FTCDNL1: variants seen among roughly 807,000 people sequenced by gnomAD.
FTCDNL1 encodes formiminotransferase cyclodeaminase N-terminal like.
Under a neutral mutation model 5.9 loss-of-function variants are expected in FTCDNL1, and 11 were observed. The ratio of observed to expected loss-of-function variants is 1.87; its 90% confidence interval spans 1.18 to 3.10. The LOEUF (loss-of-function observed/expected upper bound fraction) is 3.10. FTCDNL1 is among the 30% of genes most tolerant of loss of function. The pLI is 0.00. For synonymous variants in FTCDNL1, 58 were observed against 24.8 expected (o/e 2.34, Z -3.99); for missense variants, 115 against 65.5 (o/e 1.76, Z -2.61).
intron 3 of FTCDNL1, among the ~76,000 whole-genome samples, chr2:199,800,579 T>C (rs1700393347): frequency 6.6e-6 from 1 of 152,232 alleles, no homozygotes; most frequent in Non-Finnish European, 1.5e-5. Flanking sequence ...AACATATACT[T>C]ATTATCTGTA....
chr2:199,805,933 G>T (rs532259774), downstream of FTCDNL1, among the ~76,000 whole-genome samples: 247 of 150,488 alleles, frequency 1.6e-3, 2 homozygotes, highest in African/African-American at 5.5e-3. Flanking sequence ...AAAAAAAAAA[G>T]TATATGGAAG....
At chr2:199,799,617 TTAAG>T (rs1700344031) in intron 3 of FTCDNL1, among the ~76,000 whole-genome samples, 1 of 152,208 alleles carries the variant, frequency 6.6e-6, no homozygotes, top group South Asian at 2.1e-4. Flanking sequence ...CTCTCCCATT[TTAAG>T]ATGACTCAGT....
At chr2:199,804,917 C>T (rs565531797), downstream of FTCDNL1, among the ~76,000 whole-genome samples, 11 of 152,364 alleles carry the variant, frequency 7.2e-5, no homozygotes, top group Middle Eastern at 6.8e-3. Context: ...AGAGCTGTAA[C>T]TGCAGGCAGC....
At chr2:199,722,940 A>G in the FTCDNL1 span, among the ~76,000 whole-genome samples, 3 of 151,772 alleles carry the variant, frequency 2.0e-5, no homozygotes, top group Non-Finnish European at 4.4e-5. Flanking sequence ...TTGTTGGTGT[A>G]TAGGAATACT....
chr2:199,728,011 C>G, the FTCDNL1 span, among the ~76,000 whole-genome samples: 10 of 152,120 alleles, frequency 6.6e-5, no homozygotes, highest in Non-Finnish European at 1.2e-4. Context: ...TTCTTCCCTC[C>G]TTCAGCAAGC....
chr2:199,734,479 T>A, the FTCDNL1 span, among the ~76,000 whole-genome samples: 2 of 152,238 alleles, frequency 1.3e-5, no homozygotes, highest in Admixed American at 1.3e-4. Flanking sequence ...ATTTGGAGAT[T>A]ATCAAAATTA....
At chr2:199,767,994 T>G (rs918842768) in intron 3 of FTCDNL1, among the ~76,000 whole-genome samples, 3 of 152,248 alleles carry the variant, frequency 2.0e-5, no homozygotes, top group Non-Finnish European at 2.9e-5. Flanking sequence ...TTAACTGACA[T>G]TATTGAGTTC....
the FTCDNL1 span, among the ~76,000 whole-genome samples, chr2:199,752,240 C>T: frequency 3.3e-5 from 5 of 152,238 alleles, no homozygotes; most frequent in African/African-American, 1.2e-4. Context: ...CTCCCCACCC[C>T]ACAGCATTCC....
chr2:199,759,984 C>T (rs1289198814), downstream of FTCDNL1, among the ~76,000 whole-genome samples: 1 of 152,040 alleles, frequency 6.6e-6, no homozygotes, highest in African/African-American at 2.4e-5. Flanking sequence ...CTATAATGAT[C>T]GTATCATGTT....
intron 4 of FTCDNL1, among the ~76,000 whole-genome samples, chr2:199,814,766 C>T (rs1701249695): frequency 6.6e-6 from 1 of 152,136 alleles, no homozygotes; most frequent in East Asian, 1.9e-4. Flanking sequence ...AATAGGCTCC[C>T]TAAAACGAGA....
At chr2:199,708,273 T>C in the FTCDNL1 span, among the ~76,000 whole-genome samples, 1 of 152,112 alleles carries the variant, frequency 6.6e-6, no homozygotes, top group Non-Finnish European at 1.5e-5. Context: ...AAGTTCCACA[T>C]GATTACTTTT....
chr2:199,767,165 CT>C (rs1698576341), intron 3 of FTCDNL1, among the ~76,000 whole-genome samples: 1 of 152,240 alleles, frequency 6.6e-6, no homozygotes, highest in Admixed American at 6.5e-5. Flanking sequence ...GCCAAATAAT[CT>C]TTTAGAAAAC....
the FTCDNL1 span, among the ~76,000 whole-genome samples, chr2:199,688,909 G>T: frequency 6.6e-6 from 1 of 152,186 alleles, no homozygotes; most frequent in East Asian, 1.9e-4. Flanking sequence ...CACTTCTTCT[G>T]CCCTGCCCAG....
chr2:199,806,440 A>G (rs918413086), downstream of FTCDNL1, among the ~76,000 whole-genome samples: 2 of 152,216 alleles, frequency 1.3e-5, no homozygotes, highest in African/African-American at 2.4e-5. Context: ...ATTCCCACAG[A>G]ATAAACAGTA....
At chr2:199,666,093 T>C in the FTCDNL1 span, among the ~76,000 whole-genome samples, 1 of 152,194 alleles carries the variant, frequency 6.6e-6, no homozygotes, top group African/African-American at 2.4e-5. Flanking sequence ...CTCAGTTTCC[T>C]CACCTATAAA....
At chr2:199,698,978 A>G in the FTCDNL1 span, among the ~76,000 whole-genome samples, 1 of 152,214 alleles carries the variant, frequency 6.6e-6, no homozygotes. Context: ...CTCGGAGACT[A>G]TTAAGAACAA....
At chr2:199,752,981 C>T in the FTCDNL1 span, among the ~76,000 whole-genome samples, 6 of 152,006 alleles carry the variant, frequency 3.9e-5, no homozygotes, top group South Asian at 2.1e-4. Flanking sequence ...GTCTCATTGA[C>T]GATAAGTGCC....
At chr2:199,673,157 G>A in the FTCDNL1 span, among the ~76,000 whole-genome samples, 9 of 151,556 alleles carry the variant, frequency 5.9e-5, no homozygotes, top group African/African-American at 9.7e-5. Flanking sequence ...GTGAAACCCC[G>A]TCTCTACTAA....
chr2:199,664,212 T>G, the FTCDNL1 span, among the ~76,000 whole-genome samples: 1 of 152,186 alleles, frequency 6.6e-6, no homozygotes, highest in African/African-American at 2.4e-5. Flanking sequence ...TTTTAAAATG[T>G]TTTCCATTTG....
Sources: allele counts gnomAD v4.1 joint callset (sites outside exome capture counted in the v4.1 genomes callset), GRCh38; gene constraint gnomAD v4.1.1; transcripts MANE v1.5; gene names NCBI Gene and HGNC (gene_info 2026-07-23, HGNC 2026-07-21).